Variants in ZCCHC14 observed in about 807,000 individuals in gnomAD.
ZCCHC14 encodes the protein zinc finger CCHC domain-containing protein 14.
ZCCHC14 carries 16 observed loss-of-function variants against 85.0 expected under a neutral mutation model. The ratio of observed to expected loss-of-function variants is 0.19; its 90% CI spans 0.13 to 0.29. ZCCHC14 has a LOEUF of 0.29. Ranked by LOEUF, ZCCHC14 falls within the 10% of genes least tolerant of loss-of-function variation. ZCCHC14 has a pLI of 1.00. For missense variants in ZCCHC14, 1,303 were observed against 1,443.5 expected (o/e 0.90, Z 1.58); for synonymous variants, 775 against 630.7 (o/e 1.23, Z -3.43).
Position 87,447,229 on chromosome 16 carries a change from A to G in ZCCHC14, c.694+12779T>C, listed in dbSNP as rs541035575. Among the ~76,000 whole-genome samples, 353 of 152,090 alleles carry G rather than the reference A, an allele frequency of 2.3e-3. 2 individuals carry two copies. Among genetic ancestry groups the G allele is most frequent in the African/African-American group, 8.1e-3 (337 of 41,412 alleles). Reference sequence around the variant, plus strand: ...CCTCCACCCACACATATTTTGGGCCAGGGGGAACTAAGCAGGCAGCCTGGA... The same window carrying G: ...CCTCCACCCACACATATTTTGGGCCGGGGGGAACTAAGCAGGCAGCCTGGA... On this transcript the variant is annotated intron_variant, in intron 2 of 12. Coordinates refer to ENST00000671377, the MANE Select transcript of ZCCHC14 (RefSeq NM_015144.3).
chr16:87,412,587 G>C lies in ZCCHC14; in HGVS notation c.2134C>G (p.Leu712Val), dbSNP rs1158076987. Residue 712 changes from leucine (L) to valine (V), a missense_variant, in exon 12 of 13, where the codon CTC becomes GTC. Physicochemically the swap from Leu to Val is conservative, Grantham distance 32. This residue lies in a region of ZCCHC14 where 797 missense variants were observed against 730.8 expected (regional missense o/e 1.09). Transcript: ENST00000671377. The part of the protein sequence containing the change: ...ASAPHQPVQV[L>V]SGLSESSSMS... ...GAGCTGCTCTCCGAAAGCCCAGAGAGGACCTGCACAGGCTGGTGGGGTGCG... is the reference window on the plus strand; with the variant it reads ...GAGCTGCTCTCCGAAAGCCCAGAGACGACCTGCACAGGCTGGTGGGGTGCG... 1.2e-6 allele frequency: 2 copies of C among 1,614,198 alleles called. No individual in the cohort carries two copies. Among genetic ancestry groups the C allele is most frequent in the Non-Finnish European group, 1.7e-6 (2 of 1,180,028 alleles).
In ZCCHC14 at chr16:87,461,107, G is replaced by A. The variant is rs1376411788; in HGVS notation, c.571-976C>T. Among the ~76,000 whole-genome samples the A allele has an allele frequency of 5.9e-5, 9 of 152,300 alleles. 1 individual carries two copies. Among genetic ancestry groups the A allele is most frequent in the South Asian group, 4.1e-4 (2 of 4,828 alleles). Reference sequence around the variant, plus strand: ...GACAGTGTACCTGCAGGTGACGGCCGCCCCCAAGCTGTGGGTGGGGGAGGC... The same window carrying A: ...GACAGTGTACCTGCAGGTGACGGCCACCCCCAAGCTGTGGGTGGGGGAGGC... On this transcript the variant is annotated intron_variant, in intron 1 of 12. Transcript: ENST00000671377.
chr16:87,433,103 A>G (rs918699795), intron 3 of ZCCHC14, 25 bp downstream of exon 3: 1 of 1,610,444 alleles, frequency 6.2e-7, no homozygotes, highest in Admixed American at 1.7e-5. Context: ...TCCAGGAGAG[A>G]GGGGAAAAAA....
At chr16:87,415,154 G>C in intron 9 of ZCCHC14, 122 bp downstream of exon 9, 2 of 723,114 alleles carry the variant, frequency 2.8e-6, no homozygotes, top group East Asian at 5.4e-5. Context: ...GCATGGCTAA[G>C]GACTGGATAA....
chr16:87,446,128 T>C (rs908444584), intron 2 of ZCCHC14, among the ~76,000 whole-genome samples: 4 of 149,140 alleles, frequency 2.7e-5, no homozygotes, highest in African/African-American at 5.0e-5. Context: ...GATCGCGCCA[T>C]TGCACTCCAA....
rs1315997904 is a variant in ZCCHC14 at position 87,420,329 on chromosome 16, A to C, written c.950+278T>G. ...GTCTCAACCTTGGACTACAGGATGG[A>C]AACAGCAGCCCAGGATTATTTCACA... On this transcript the variant is annotated intron_variant, in intron 5 of 12. Transcript: ENST00000671377. The surrounding 1 kb of genome is among the most constrained non-coding windows in gnomAD (Gnocchi z 5.0). Among the ~76,000 whole-genome samples, 1 of 152,252 alleles carries C rather than the reference A, an allele frequency of 6.6e-6. No homozygotes were observed. The highest frequency in any genetic ancestry group is 2.4e-5 in the African/African-American group (1 of 41,472).
chr16:87,486,905 C>T (rs1912536058), intron 1 of ZCCHC14, among the ~76,000 whole-genome samples: 1 of 152,178 alleles, frequency 6.6e-6, no homozygotes, highest in Non-Finnish European at 1.5e-5. Flanking sequence ...AACAGCTGCT[C>T]CAGAGAGAGT....
intron 1 of ZCCHC14, among the ~76,000 whole-genome samples, chr16:87,487,074 G>T (rs575778639): frequency 6.6e-6 from 1 of 152,274 alleles, no homozygotes; most frequent in East Asian, 1.9e-4. Context: ...AACAGCTTAC[G>T]AAAAGCAACG....
chr16:87,413,044 C>A lies in ZCCHC14; in HGVS notation c.1744+11G>T, dbSNP rs372303742. 2 of 1,614,174 alleles carry A rather than the reference C, an allele frequency of 1.2e-6. No homozygotes were observed. The highest frequency in any genetic ancestry group is 1.7e-5 in the Admixed American group (1 of 60,032). ...GGCCAGGTCGAGCCAGCGCCGCGCA[C>A]GTGCCCTTACGTCTGTCATTCTCCT... On this transcript the variant is annotated intron_variant, in intron 11 of 12. Transcript: ENST00000671377.
chr16:87,421,157 C>T (rs1410334037), intron 4 of ZCCHC14, among the ~76,000 whole-genome samples: 1 of 152,216 alleles, frequency 6.6e-6, no homozygotes, highest in Non-Finnish European at 1.5e-5. Context: ...GCAAGTGGGC[C>T]CTTCTTTCCA....
intron 2 of ZCCHC14, among the ~76,000 whole-genome samples, chr16:87,456,623 ATTTTGTTTTGGAG>A (rs1910983260): frequency 6.8e-6 from 1 of 147,502 alleles, no homozygotes; most frequent in African/African-American, 2.5e-5. Context: ...GTTGGGATAG[ATTTTGTTTTGGAG>A]TTTGGTCTTT....
rs1908270936 is a variant in ZCCHC14 at position 87,407,858 on chromosome 16, C to CA, written c.*2421dup. ...TCCGAGCTCGCTGCTGGCAAACTCT[C>CA]AAGTCCAAGTGTGCGGCTCCCTCCG... On this transcript the variant is annotated 3_prime_UTR_variant, in exon 13 of 13. Coordinates refer to ENST00000671377, the MANE Select transcript of ZCCHC14 (RefSeq NM_015144.3). The CA allele has an allele frequency of 6.5e-6, 1 of 152,696 alleles. No homozygotes were observed. The highest frequency in any genetic ancestry group is 6.5e-5 in the Admixed American group (1 of 15,290). 9.5% of individuals were successfully genotyped at this position (152,696 alleles called of 1,614,324 possible). A position where few individuals can be genotyped will look rare whatever the true frequency, so the allele number is the denominator to read the frequency against.
At chr16:87,471,278 C>T (rs1381133811) in intron 1 of ZCCHC14, 3 of 152,184 alleles carry the variant, frequency 2.0e-5, no homozygotes, top group Non-Finnish European at 4.4e-5. Context: ...ATAGTCATTA[C>T]GTGTCTCTAA....
chr16:87,423,989 A>T (rs1218985968), intron 3 of ZCCHC14, 108 bp from the exon 4 acceptor site: 4 of 1,181,004 alleles, frequency 3.4e-6, no homozygotes, highest in Non-Finnish European at 4.8e-6. Context: ...AGCTGAGCCC[A>T]GTGGGCCGTG....
At chr16:87,426,538 C>A (rs925398211) in intron 3 of ZCCHC14, among the ~76,000 whole-genome samples, 10 of 152,234 alleles carry the variant, frequency 6.6e-5, no homozygotes, top group Non-Finnish European at 8.8e-5. Flanking sequence ...CTAGTTCCTC[C>A]GGCTCACTGT....
At chr16:87,456,370 A>T (rs567731139) in intron 2 of ZCCHC14, among the ~76,000 whole-genome samples, 3 of 152,000 alleles carry the variant, frequency 2.0e-5, no homozygotes, top group African/African-American at 7.2e-5. Context: ...CTCTACTAAA[A>T]ATATAAAAAA....
At chr16:87,444,532 A>G (rs544381558) in intron 2 of ZCCHC14, among the ~76,000 whole-genome samples, 1 of 152,256 alleles carries the variant, frequency 6.6e-6, no homozygotes, top group Admixed American at 6.5e-5. Flanking sequence ...CCTGGCAGAT[A>G]GCATGAAAAT....
rs769358336 is a variant in ZCCHC14 at position 87,414,450 on chromosome 16, C to A, written c.1567G>T (p.Gly523Trp). The A allele has an allele frequency of 6.2e-7, 1 of 1,613,250 alleles. No homozygotes were observed. The highest frequency in any genetic ancestry group is 1.7e-5 in the Admixed American group (1 of 60,032). Residue 523 changes from glycine (G) to tryptophan (W), a missense_variant, in exon 10 of 13, where the codon GGG (glycine) becomes TGG (tryptophan). Gly to Trp is a radical substitution (Grantham distance 184). Around this residue, in one of 7 missense-constraint regions of ZCCHC14, gnomAD observed 58 missense variants for 88.2 expected, o/e 0.66. Transcript: ENST00000671377. ...VARVPPTSHV[G>W]PVQSGRGSHA... is the part of the protein sequence containing the mutation. The stretch of plus-strand genomic sequence containing the variant: ...CTGCCCCGCCCCGACTGCACGGGCC[C>A]GACGTGGCTGGTGGGGGGCACTCGA...
At chr16:87,425,691 C>T (rs1448748822) in intron 3 of ZCCHC14, among the ~76,000 whole-genome samples, 1 of 152,186 alleles carries the variant, frequency 6.6e-6, no homozygotes, top group Non-Finnish European at 1.5e-5. Context: ...GGTTCCTAAG[C>T]TGCTCCCCAC....
Sources: allele counts gnomAD v4.1 joint callset (sites outside exome capture counted in the v4.1 genomes callset), GRCh38; gene constraint gnomAD v4.1.1; regional missense constraint gnomAD v4.1.1; non-coding constraint Gnocchi (gnomAD v3.1); transcripts MANE v1.5; gene names NCBI Gene and HGNC (gene_info 2026-07-23, HGNC 2026-07-21).